ATP9B: variants seen among roughly 807,000 people sequenced by gnomAD.
ATP9B encodes the protein probable phospholipid-transporting ATPase IIB.
In ATP9B, 110 loss-of-function variants were observed where a neutral mutation model predicts 146.1. The observed-to-expected ratio is 0.75, with a 90% confidence interval of 0.65 to 0.88. ATP9B has a LOEUF of 0.88. Among genes scored for constraint, ATP9B ranks in the 40% least tolerant of loss-of-function variants. The pLI is 0.00. For synonymous variants in ATP9B, 604 were observed against 569.7 expected, an observed-to-expected ratio of 1.06 and a Z score of -0.86; for missense variants, 1,499 against 1,496.4, an observed-to-expected ratio of 1.00 and a Z score of -0.03.
rs1053458763 is a variant in ATP9B, at chr18:79,222,531, G to A, written c.1107+8493G>A. On this transcript the variant is annotated intron_variant, in intron 11 of 29. Coordinates refer to ENST00000426216, the MANE Select transcript of ATP9B (RefSeq NM_198531.5). ...ACCCCCTGGAATGGGACCTGAGGAC[G>A]CAACTTCCTGGTTCTCCTCCCTGGA... Among the ~76,000 whole-genome samples, 6 of 152,154 alleles carry A rather than the reference G, an allele frequency of 3.9e-5. No homozygotes were observed. In the East Asian group the frequency reaches 5.8e-4, roughly 15 times the overall value.
chr18:79,327,993 G>T (rs1311475351), intron 15 of ATP9B, among the ~76,000 whole-genome samples: 1 of 146,494 alleles, frequency 6.8e-6, no homozygotes, highest in African/African-American at 2.5e-5. Flanking sequence ...TGGTTAGCGT[G>T]CTCTCCGTGG....
intron 7 of ATP9B, among the ~76,000 whole-genome samples, chr18:79,170,414 A>G (rs544403109): frequency 6.6e-6 from 1 of 152,204 alleles, no homozygotes; most frequent in South Asian, 2.1e-4. Context: ...TGCAATATTT[A>G]GAGGTTAAGT....
chr18:79,117,516 T>C (rs117752879), intron 4 of ATP9B: 4,985 of 152,250 alleles, frequency 0.033, 143 homozygotes, highest in Non-Finnish European at 0.047. Context: ...GAGGAGTAAT[T>C]GCAGAAGGTC....
intron 25 of ATP9B, among the ~76,000 whole-genome samples, chr18:79,358,592 A>G (rs369810508): frequency 3.6e-3 from 18 of 5,024 alleles, no homozygotes; most frequent in Non-Finnish European, 3.8e-3. Context: ...TGTGTGAGGG[A>G]TGCTCTGGGT....
At chr18:79,365,202 A>G (rs1318726110) in intron 26 of ATP9B, among the ~76,000 whole-genome samples, 1 of 152,238 alleles carries the variant, frequency 6.6e-6, no homozygotes, top group Non-Finnish European at 1.5e-5. Flanking sequence ...GACAGAAGAT[A>G]TTAACAGACA....
intron 26 of ATP9B, among the ~76,000 whole-genome samples, chr18:79,370,548 G>A (rs1386011780): frequency 1.3e-5 from 2 of 152,192 alleles, no homozygotes; most frequent in African/African-American, 2.4e-5. Flanking sequence ...TGAGTAACGT[G>A]TCTGTACCAT....
At chr18:79,335,343 G>A (rs1262062090) in intron 17 of ATP9B, among the ~76,000 whole-genome samples, 1 of 152,202 alleles carries the variant, frequency 6.6e-6, no homozygotes, top group Non-Finnish European at 1.5e-5. Flanking sequence ...TTAACTTTGA[G>A]AGTGTTACCT....
intron 15 of ATP9B, among the ~76,000 whole-genome samples, chr18:79,318,150 T>A (rs1240397993): frequency 6.6e-6 from 1 of 152,232 alleles, no homozygotes; most frequent in Non-Finnish European, 1.5e-5. Flanking sequence ...AAAAGGATCA[T>A]GTATGTAGCT....
At chr18:79,084,323 A>G (rs4799007) in intron 1 of ATP9B, among the ~76,000 whole-genome samples, 31,795 of 151,812 alleles carry the variant, frequency 0.21, 3,712 homozygotes, top group East Asian at 0.5. Flanking sequence ...CATTCCACCT[A>G]TCCCCCAACC....
intron 15 of ATP9B, among the ~76,000 whole-genome samples, chr18:79,307,683 G>T (rs929828220): frequency 6.6e-6 from 1 of 152,148 alleles, no homozygotes; most frequent in Non-Finnish European, 1.5e-5. Flanking sequence ...TATTTCAAAA[G>T]AAAATTGGAA....
chr18:79,180,161 T>C (rs571862875), intron 8 of ATP9B, among the ~76,000 whole-genome samples: 2 of 152,340 alleles, frequency 1.3e-5, no homozygotes, highest in African/African-American at 4.8e-5. Flanking sequence ...ATTTAAAGTG[T>C]TTTTTAATGT....
Position 79,113,267 on chromosome 18 carries a change from C to G in ATP9B, c.471C>G (p.Phe157Leu). The G allele has an allele frequency of 6.3e-7, 1 of 1,595,044 alleles. No individual in the cohort carries two copies. Among genetic ancestry groups the G allele is most frequent in the Non-Finnish European group, 8.6e-7 (1 of 1,166,708 alleles). The change falls in exon 4 of 30, where the codon TTC becomes TTG. Residue 157 changes from phenylalanine to leucine, a missense_variant. By Grantham distance (22) the Phe-to-Leu change is conservative (BLOSUM62 0). Transcript: ENST00000426216. The stretch of plus-strand genomic sequence containing the variant: ...TTTTGTATGAACAATTCAAGTTTTT[C>G]TTGAATCTCTATTTTCTAGTAATAT... ...PGVLYEQFKF[F>L]LNLYFLVISC... is the part of the protein sequence containing the mutation.
intron 5 of ATP9B, among the ~76,000 whole-genome samples, chr18:79,142,685 A>G (rs1248884331): frequency 6.6e-6 from 1 of 152,210 alleles, no homozygotes; most frequent in Non-Finnish European, 1.5e-5. Context: ...GACCATTGCT[A>G]TTTTATAATA....
intron 12 of ATP9B, among the ~76,000 whole-genome samples, chr18:79,267,660 A>T (rs888530159): frequency 3.3e-5 from 5 of 152,100 alleles, no homozygotes; most frequent in Non-Finnish European, 5.9e-5. Flanking sequence ...ATAGTTGAGA[A>T]ATTTCTAATA....
intron 15 of ATP9B, chr18:79,307,522 T>C (rs1315574235): frequency 2.7e-6 from 1 of 368,004 alleles, no homozygotes; most frequent in East Asian, 5.1e-5. Flanking sequence ...GTTTACTGAT[T>C]CCGTAAAGTA....
intron 12 of ATP9B, among the ~76,000 whole-genome samples, chr18:79,255,589 G>T (rs1464545697): frequency 6.6e-6 from 1 of 152,222 alleles, no homozygotes; most frequent in African/African-American, 2.4e-5. Context: ...CTGCCAGCTG[G>T]AATGCCTGTC....
At chr18:79,240,939 C>A (rs1409371175) in intron 11 of ATP9B, among the ~76,000 whole-genome samples, 1 of 152,146 alleles carries the variant, frequency 6.6e-6, no homozygotes, top group Non-Finnish European at 1.5e-5. Flanking sequence ...TGTTCTTGAC[C>A]AAACACCTAA....
chr18:79,315,050 T>A (rs903598859), intron 15 of ATP9B, among the ~76,000 whole-genome samples: 1 of 152,246 alleles, frequency 6.6e-6, no homozygotes, highest in Non-Finnish European at 1.5e-5. Context: ...TTCTTTTCCC[T>A]CTGTGGCTGT....
rs756323000 is a variant in ATP9B, at chr18:79,180,951, C to T, written c.873+4044C>T. Among the ~76,000 whole-genome samples, 3 of 151,510 alleles carry T rather than the reference C, an allele frequency of 2.0e-5. 1 individual carries two copies. Among genetic ancestry groups the T allele is most frequent in the Admixed American group, 1.3e-4 (2 of 15,200 alleles). On this transcript the variant is annotated intron_variant, in intron 8 of 29. Transcript: ENST00000426216. ...GGATTACAGGCATGTGCCACCACCA[C>T]GCCCGGCTAATTTTTGTTTTTTTGT...
Sources: gnomAD v4.1 joint callset for allele counts (sites outside exome capture counted in the v4.1 genomes callset) on GRCh38, gnomAD v4.1.1 for gene constraint, MANE v1.5 for transcripts, NCBI Gene and HGNC (gene_info 2026-07-23, HGNC 2026-07-21) for gene names.